DICER1: variants seen among roughly 807,000 people sequenced by gnomAD.
DICER1 encodes the protein dicer 1, ribonuclease III.
In DICER1, 43 loss-of-function variants were observed where a neutral mutation model predicts 194.1. That is an observed-to-expected ratio of 0.22 (90% CI 0.17 to 0.29). DICER1 has a LOEUF of 0.29. DICER1 is among the 10% of genes least tolerant of loss of function. DICER1 has a pLI of 1.00. For synonymous variants in DICER1, 832 were observed against 820.5 expected, an observed-to-expected ratio of 1.01 and a Z score of -0.24; for missense variants, 1,608 against 2,317.0, an observed-to-expected ratio of 0.69 and a Z score of 6.28.
Position 95,105,637 on chromosome 14 carries a change from C to G in DICER1, c.3093+41G>C. 1 of 1,377,000 alleles carries G rather than the reference C, an allele frequency of 7.3e-7. No individual in the cohort carries two copies. Among genetic ancestry groups the G allele is most frequent in the South Asian group, 1.2e-5 (1 of 85,814 alleles). The allele number at this position is 1,377,000 out of a possible 1,614,324, so 85.3% of individuals were successfully genotyped here. ...CTTATCTTTAATAATCTTTAATACT[C>G]AAACAAATACTAAGTTATGCTAGTA... is the stretch of plus-strand genomic sequence containing the variant. On this transcript the variant is annotated intron_variant, in intron 19 of 26. Transcript: ENST00000343455. This position sits in a 1 kb window ranked among gnomAD's most constrained non-coding sequence, Gnocchi z 4.9.
chr14:95,144,719 A>G (rs1259846654), intron 1 of DICER1, among the ~76,000 whole-genome samples: 2 of 152,180 alleles, frequency 1.3e-5, no homozygotes, highest in African/African-American at 4.8e-5. Flanking sequence ...GAAAAACCAC[A>G]AACTCCTGAA....
rs868009846 is a variant in DICER1, at chr14:95,152,529, C to T, written c.-46+4701G>A. ...ATCTAATCCTTACTATTCCATAAACCTTAACACAACCAAGAACATGTAATG... is the reference window on the plus strand; with the variant it reads ...ATCTAATCCTTACTATTCCATAAACTTTAACACAACCAAGAACATGTAATG... On this transcript the variant is annotated intron_variant, in intron 1 of 26. Coordinates refer to ENST00000343455, the MANE Select transcript of DICER1 (RefSeq NM_177438.3). Among the ~76,000 whole-genome samples the T allele has an allele frequency of 3.9e-5, 6 of 152,258 alleles. No homozygotes were observed. The South Asian group carries it at 8.3e-4, about 21-fold the overall frequency.
At position 95,133,306 on chromosome 14, in the gene DICER1, C is replaced by T. The variant is rs779375257; in HGVS notation, c.144+9G>A. On this transcript the variant is annotated intron_variant, in intron 2 of 26. Transcript: ENST00000343455. ...TAGAATGCTCCAGTATTAGTGTTCG[C>T]ATTAGTACCTGATATTTTCTTGGCG... The T allele has an allele frequency of 6.2e-7, 1 of 1,613,842 alleles. No individual in the cohort carries two copies.
At position 95,105,859 on chromosome 14, in the gene DICER1, C is replaced by A. The variant is rs370735844; in HGVS notation, c.2988-76G>T. 28 of 1,428,580 alleles carry A rather than the reference C, an allele frequency of 2.0e-5. No individual in the cohort carries two copies. The highest frequency in any genetic ancestry group is 2.8e-5 in the Non-Finnish European group (28 of 1,013,254). 88.5% of individuals were successfully genotyped at this position (1,428,580 alleles called of 1,614,324 possible). A position where few individuals can be genotyped will look rare whatever the true frequency, so the allele number is the denominator to read the frequency against. On this transcript the variant is annotated intron_variant, in intron 18 of 26. Transcript: ENST00000343455. This position sits in a 1 kb window ranked among gnomAD's most constrained non-coding sequence, Gnocchi z 4.9. ...TTCACAGTGGTTCTCCAAAAACCAC[C>A]TGAAGAGCTCATTTCAACTACAGCC...
Position 95,131,625 on chromosome 14 carries a change from G to T in DICER1, c.322C>A (p.Gln108Lys). 1 of 1,613,910 alleles carries T rather than the reference G, an allele frequency of 6.2e-7. No individual in the cohort carries two copies. The highest frequency in any genetic ancestry group is 1.1e-5 in the South Asian group (1 of 91,076). ...TGAGTTCTGACAGCTGACACTTGTT[G>T]AGCAACCTGGTTTGCTAATTACAAA... ...FLVNSANQVA[Q>K]QVSAVRTHSD... Residue 108 changes from glutamine (Q) to lysine (K), a missense_variant, in exon 4 of 27, where the codon CAA becomes AAA. Gln to Lys is a moderately conservative substitution (Grantham distance 53). Around this residue, in one of 10 missense-constraint regions of DICER1, gnomAD observed 657 missense variants for 910.1 expected, o/e 0.72. Coordinates refer to ENST00000343455, the MANE Select transcript of DICER1 (RefSeq NM_177438.3).
chr14:95,107,706 C>T lies in DICER1; in HGVS notation c.2706G>A (p.Lys902=), dbSNP rs1595379224. 6.2e-7 allele frequency: 1 copy of T among 1,610,984 alleles called. No homozygotes were observed. The highest frequency in any genetic ancestry group is 8.5e-7 in the Non-Finnish European group (1 of 1,178,270). The change falls in exon 17 of 27, where the codon AAG becomes AAA. Residue 902 remains lysine, a synonymous_variant. Transcript: ENST00000343455. Reference sequence around the variant, plus strand: ...TGGGAATGCCTATGCGAGCTTCAGACTTCTCAATATCTTCCATGAATTTAA... The same window carrying T: ...TGGGAATGCCTATGCGAGCTTCAGATTTCTCAATATCTTCCATGAATTTAA... The part of the protein sequence containing the change: ...IDFKFMEDIE[K]SEARIGIPST...
chr14:95,125,730 G>A (rs1893381076), intron 7 of DICER1, among the ~76,000 whole-genome samples: 1 of 62,202 alleles, frequency 1.6e-5, no homozygotes, highest in Non-Finnish European at 3.3e-5. Flanking sequence ...GGAGGAAGAG[G>A]GGGAGGGGAG....
Position 95,106,218 on chromosome 14 carries a change from C to T in DICER1, c.2810G>A (p.Arg937His), listed in dbSNP as rs1595374327. ...AAATCGATGAGGCTGATCAAAATTG[C>T]GATATCTAAAAAAGAAAAACAAAAA... is the stretch of plus-strand genomic sequence containing the variant. ...YQDAVIIPRY[R>H]NFDQPHRFYV... The change falls in exon 18 of 27, where the codon CGC (arginine) becomes CAC (histidine). Residue 937 changes from arginine to histidine, a missense_variant. Around this residue, in one of 10 missense-constraint regions of DICER1, gnomAD observed 150 missense variants for 216.0 expected, o/e 0.69. Coordinates refer to ENST00000343455, the MANE Select transcript of DICER1 (RefSeq NM_177438.3). 6.2e-7 allele frequency: 1 copy of T among 1,612,624 alleles called. No individual in the cohort carries two copies. The highest frequency in any genetic ancestry group is 1.1e-5 in the South Asian group (1 of 91,026).
At chr14:95,110,092 C>T (rs567884749) in intron 14 of DICER1, among the ~76,000 whole-genome samples, 1 of 152,206 alleles carries the variant, frequency 6.6e-6, no homozygotes, top group African/African-American at 2.4e-5. Context: ...TTCCCACAGG[C>T]TAATTGACAT....
chr14:95,138,995 A>T (rs4905284), intron 1 of DICER1, among the ~76,000 whole-genome samples: 7 of 2,162 alleles, frequency 3.2e-3, no homozygotes, highest in African/African-American at 0.014. Context: ...ATAAAAAAAT[A>T]AAAAAAAAAA....
chr14:95,140,676 T>A (rs2140360375), intron 1 of DICER1: 1 of 152,326 alleles, frequency 6.6e-6, no homozygotes, highest in Admixed American at 6.5e-5. Flanking sequence ...ATGTTTGAGA[T>A]CTCTGTGTTG....
rs1310849948 is a variant in DICER1 at position 95,088,736 on chromosome 14, T to C, written c.*1762A>G. On this transcript the variant is annotated 3_prime_UTR_variant, in exon 27 of 27. Transcript: ENST00000343455. ...AGCTTAATACCCCCCTCACTCAGGGTTCCTTAGAAAGCAGAGCTGACAGTT... is the reference window on the plus strand; with the variant it reads ...AGCTTAATACCCCCCTCACTCAGGGCTCCTTAGAAAGCAGAGCTGACAGTT... The C allele has an allele frequency of 1.3e-5, 3 of 232,720 alleles. No individual in the cohort carries two copies. Among genetic ancestry groups the C allele is most frequent in the East Asian group, 6.1e-5 (1 of 16,510 alleles). 14.4% of individuals were successfully genotyped at this position (232,720 alleles called of 1,614,324 possible). A position where few individuals can be genotyped will look rare whatever the true frequency, so the allele number is the denominator to read the frequency against.
At chr14:95,156,968 G>A (rs1035533816) in intron 1 of DICER1, among the ~76,000 whole-genome samples, 3 of 152,258 alleles carry the variant, frequency 2.0e-5, no homozygotes, top group East Asian at 3.9e-4. Context: ...GGCCCGGAAA[G>A]TCTCCCAGGG....
chr14:95,098,469 C>T (rs773345372), intron 22 of DICER1, among the ~76,000 whole-genome samples: 18 of 152,036 alleles, frequency 1.2e-4, no homozygotes, highest in Non-Finnish European at 1.6e-4. Flanking sequence ...AAATAAAAAT[C>T]TGAACAGTAT....
chr14:95,129,446 A>T (rs771316156), intron 6 of DICER1, 26 bp downstream of exon 6: 1 of 1,610,520 alleles, frequency 6.2e-7, no homozygotes, highest in African/African-American at 1.3e-5. Context: ...AATCTCATTA[A>T]AGCTGAGTCA....
intron 6 of DICER1, chr14:95,129,221 G>A: frequency 4.6e-6 from 2 of 438,804 alleles, no homozygotes; most frequent in Non-Finnish European, 8.3e-6. Context: ...GGCAACAACA[G>A]CAAATAGGAA....
intron 21 of DICER1, among the ~76,000 whole-genome samples, chr14:95,100,159 A>G (rs184502524): frequency 1.3e-5 from 2 of 152,360 alleles, no homozygotes; most frequent in Non-Finnish European, 2.9e-5. Context: ...ATTTCTGAAT[A>G]TAAGATGCAG....
In DICER1 at chr14:95,117,774, T is replaced by G. The variant is rs1379083455; in HGVS notation, c.1377-20A>C. 6.2e-7 allele frequency: 1 copy of G among 1,612,804 alleles called. No individual in the cohort carries two copies. Among genetic ancestry groups the G allele is most frequent in the Non-Finnish European group, 8.5e-7 (1 of 1,179,094 alleles). On this transcript the variant is annotated intron_variant, in intron 8 of 26. Transcript: ENST00000343455. Reference sequence around the variant, plus strand: ...ATCAATCTAAGAAAATTATACACATTTGGAAGTTAAACGTTGCTGAAAGAA... The same window carrying G: ...ATCAATCTAAGAAAATTATACACATGTGGAAGTTAAACGTTGCTGAAAGAA...
At chr14:95,121,312 A>C (rs976763634) in intron 8 of DICER1, among the ~76,000 whole-genome samples, 3 of 152,232 alleles carry the variant, frequency 2.0e-5, no homozygotes, top group African/African-American at 7.2e-5. Flanking sequence ...TCTAGTGGTT[A>C]GAAAAAAATA....
Sources: gnomAD v4.1 joint callset for allele counts (sites outside exome capture counted in the v4.1 genomes callset) on GRCh38, gnomAD v4.1.1 for gene constraint, gnomAD v4.1.1 regional missense constraint, Gnocchi (gnomAD v3.1) non-coding constraint, MANE v1.5 for transcripts, NCBI Gene and HGNC (gene_info 2026-07-23, HGNC 2026-07-21) for gene names.